Variants in ERC2 observed in about 807,000 individuals in gnomAD.
The protein encoded by ERC2 is ELKS/RAB6-interacting/CAST family member 2, also known as ERC protein 2.
ERC2 carries 42 observed loss-of-function variants against 114.8 expected under a neutral mutation model. The ratio of observed to expected loss-of-function variants is 0.37; its 90% CI spans 0.29 to 0.47. The LOEUF is 0.47. Ranked by LOEUF, ERC2 falls within the 20% of genes least tolerant of loss-of-function variation. The pLI is 0.99. For missense variants in ERC2, 939 were observed against 1,150.7 expected, an observed-to-expected ratio of 0.82 and a Z score of 2.66; for synonymous variants, 454 against 425.5, an observed-to-expected ratio of 1.07 and a Z score of -0.82.
At chr3:56,371,331 C>T (rs1021748751) in intron 2 of ERC2, among the ~76,000 whole-genome samples, 4 of 152,184 alleles carry the variant, frequency 2.6e-5, no homozygotes, top group Non-Finnish European at 1.5e-5. Flanking sequence ...CCAAATACTG[C>T]ACTTTTAATT....
chr3:55,571,123 T>G, intron 17 of ERC2, among the ~76,000 whole-genome samples: 1 of 45,822 alleles, frequency 2.2e-5, no homozygotes, highest in Non-Finnish European at 3.9e-5. Flanking sequence ...CGAGACTCCG[T>G]CAAAAAAAAA....
chr3:56,090,373 C>G (rs1217370759), intron 6 of ERC2, among the ~76,000 whole-genome samples: 2 of 152,070 alleles, frequency 1.3e-5, no homozygotes, highest in African/African-American at 2.4e-5. Flanking sequence ...TTCATTCATT[C>G]AATAAATATG....
chr3:56,400,794 G>A (rs186397797), intron 2 of ERC2, among the ~76,000 whole-genome samples: 138 of 152,258 alleles, frequency 9.1e-4, no homozygotes, highest in Middle Eastern at 3.4e-3. Context: ...TGATACGTAA[G>A]TGGAACATCA....
chr3:56,353,857 C>T (rs967828844), intron 2 of ERC2, among the ~76,000 whole-genome samples: 2 of 151,086 alleles, frequency 1.3e-5, no homozygotes, highest in Non-Finnish European at 2.9e-5. Context: ...GTATTAAATG[C>T]TTACTATATT....
chr3:55,845,802 C>A (rs1205232157), intron 14 of ERC2, among the ~76,000 whole-genome samples: 2 of 152,192 alleles, frequency 1.3e-5, no homozygotes, highest in African/African-American at 2.4e-5. Context: ...CACAGGAGAC[C>A]AACTAAATTT....
At chr3:56,102,655 T>C (rs1354450074) in intron 6 of ERC2, among the ~76,000 whole-genome samples, 3 of 152,218 alleles carry the variant, frequency 2.0e-5, no homozygotes, top group Non-Finnish European at 4.4e-5. Context: ...AAATATGCAA[T>C]TCTGTGTCCT....
At chr3:56,047,677 A>C (rs2075546075) in intron 7 of ERC2, among the ~76,000 whole-genome samples, 1 of 152,238 alleles carries the variant, frequency 6.6e-6, no homozygotes, top group Non-Finnish European at 1.5e-5. Context: ...GGTAGCTTTC[A>C]TACTTTCAAG....
At chr3:56,089,755 A>G (rs1166608718) in intron 6 of ERC2, among the ~76,000 whole-genome samples, 2 of 152,178 alleles carry the variant, frequency 1.3e-5, no homozygotes, top group African/African-American at 2.4e-5. Flanking sequence ...TAGAATTTCA[A>G]TCTCCCTTGC....
At chr3:56,087,118 A>G (rs2077544580) in intron 6 of ERC2, among the ~76,000 whole-genome samples, 1 of 151,984 alleles carries the variant, frequency 6.6e-6, no homozygotes. Context: ...CTAGTCATCT[A>G]ATGTTAAAAC....
chr3:55,710,468 C>T lies in ERC2; in HGVS notation c.2713-10956G>A, dbSNP rs537528306. 2.6e-5 allele frequency among the ~76,000 whole-genome samples: 4 copies of T among 152,158 alleles called. No homozygotes were observed. In the East Asian group the frequency reaches 7.7e-4, roughly 29 times the overall value. ...CTCAAATTTCATCTGGAAATGTCTA[C>T]TGTGTTGAGTCATATGGTTGTTTTT... is the stretch of plus-strand genomic sequence containing the variant. On this transcript the variant is annotated intron_variant, in intron 15 of 17. Coordinates refer to ENST00000288221, the MANE Select transcript of ERC2 (RefSeq NM_015576.3).
chr3:55,978,285 T>C (rs1170728661), intron 12 of ERC2, among the ~76,000 whole-genome samples: 1 of 152,226 alleles, frequency 6.6e-6, no homozygotes, highest in Non-Finnish European at 1.5e-5. Flanking sequence ...ACAAGGATTG[T>C]ATGAATTAGT....
At chr3:56,344,307 C>G (rs781271778) in intron 2 of ERC2, among the ~76,000 whole-genome samples, 2 of 152,180 alleles carry the variant, frequency 1.3e-5, no homozygotes, top group Non-Finnish European at 2.9e-5. Context: ...ATTGCCCTGG[C>G]AAACACCTTC....
At chr3:56,056,491 G>T (rs1247005069) in intron 7 of ERC2, among the ~76,000 whole-genome samples, 1 of 152,110 alleles carries the variant, frequency 6.6e-6, no homozygotes, top group Non-Finnish European at 1.5e-5. Context: ...ACACTGACCA[G>T]GTCATGTCCT....
At chr3:56,305,556 TATA>T (rs913261400) in intron 2 of ERC2, among the ~76,000 whole-genome samples, 3 of 118,648 alleles carry the variant, frequency 2.5e-5, no homozygotes, top group African/African-American at 1.0e-4. Context: ...ACACACACAC[TATA>T]ATAATCATAA....
chr3:56,370,593 TTG>T (rs1161765655), intron 2 of ERC2, among the ~76,000 whole-genome samples: 2 of 143,394 alleles, frequency 1.4e-5, no homozygotes, highest in African/African-American at 2.6e-5. Flanking sequence ...GGGGGTTTTT[TTG>T]TTTTTTTTTT....
At chr3:56,060,162 A>C (rs2076187777) in intron 7 of ERC2, among the ~76,000 whole-genome samples, 1 of 152,246 alleles carries the variant, frequency 6.6e-6, no homozygotes, top group Non-Finnish European at 1.5e-5. Context: ...TCTTATGTAC[A>C]TTTAATATGT....
intron 7 of ERC2, among the ~76,000 whole-genome samples, chr3:56,063,233 C>T (rs1025372120): frequency 2.0e-5 from 3 of 152,114 alleles, no homozygotes; most frequent in Non-Finnish European, 4.4e-5. Context: ...GAGAGATTGA[C>T]CACAAAGGGC....
intron 2 of ERC2, among the ~76,000 whole-genome samples, chr3:56,399,308 G>A (rs993856105): frequency 3.3e-5 from 5 of 152,164 alleles, no homozygotes; most frequent in African/African-American, 1.2e-4. Flanking sequence ...GCTGAAAGTA[G>A]GCAAGTCCTT....
At chr3:55,848,307 T>C (rs757010207) in intron 14 of ERC2, among the ~76,000 whole-genome samples, 1 of 152,124 alleles carries the variant, frequency 6.6e-6, no homozygotes, top group Non-Finnish European at 1.5e-5. Flanking sequence ...TCCTGTGTTC[T>C]CTCTCCTCCC....
Sources: allele counts gnomAD v4.1 joint callset (sites outside exome capture counted in the v4.1 genomes callset), GRCh38; gene constraint gnomAD v4.1.1; transcripts MANE v1.5; gene names NCBI Gene and HGNC (gene_info 2026-07-23, HGNC 2026-07-21).